Variants in RBFOX3 observed in about 807,000 individuals in gnomAD.
The protein encoded by RBFOX3 is RNA binding protein fox-1 homolog 3.
A neutral mutation model predicts 48.7 loss-of-function variants in RBFOX3; 17 were observed. The ratio of observed to expected loss-of-function variants is 0.35; its 90% CI spans 0.24 to 0.52. RBFOX3 has a LOEUF of 0.52. Among genes scored for constraint, RBFOX3 ranks in the 20% least tolerant of loss-of-function variants. The probability of loss-of-function intolerance (pLI) is 0.94; values close to 1 mark genes in which losing one functional copy is unlikely to be tolerated. For missense variants in RBFOX3, 382 were observed against 497.5 expected, an observed-to-expected ratio of 0.77 and a Z score of 2.21; for synonymous variants, 212 against 209.5, an observed-to-expected ratio of 1.01 and a Z score of -0.10.
rs1170113549 is a variant in RBFOX3, at chr17:79,592,769, A to C, written c.-320+18057T>G. On this transcript the variant is annotated intron_variant, in intron 1 of 14. Transcript: ENST00000693108. ...GGCTGTCGTCTGTTTCAGACTGGGC[A>C]CTGCGGCATGGGGCCCTTGACAGGG... is the stretch of plus-strand genomic sequence containing the variant. Among the ~76,000 whole-genome samples the C allele has an allele frequency of 6.6e-5, 10 of 152,292 alleles. No homozygotes were observed. In the South Asian group the frequency reaches 1.7e-3, roughly 25 times the overall value.
intron 4 of RBFOX3, among the ~76,000 whole-genome samples, chr17:79,163,236 G>A (rs934956876): frequency 6.6e-6 from 1 of 152,202 alleles, no homozygotes; most frequent in Non-Finnish European, 1.5e-5. Context: ...CAGCACACTC[G>A]GCTGAACACC....
chr17:79,476,432 T>C (rs947254877), intron 2 of RBFOX3, among the ~76,000 whole-genome samples: 19 of 152,104 alleles, frequency 1.2e-4, no homozygotes, highest in Non-Finnish European at 2.4e-4. Flanking sequence ...CCAACAAGTA[T>C]AGGGCAAAGA....
At position 79,477,407 on chromosome 17, in the gene RBFOX3, T is replaced by C. The variant is rs1431485355; in HGVS notation, c.-175+5047A>G. Among the ~76,000 whole-genome samples, 26 of 151,390 alleles carry C rather than the reference T, an allele frequency of 1.7e-4. No individual in the cohort carries two copies. The highest frequency in any genetic ancestry group is 6.1e-4 in the African/African-American group (25 of 41,246). ...CCGTCTCTACTAAAAATACAAAACATTAGCCAGACGTGGTGGCGGGCGCCT... is the reference window on the plus strand; with the variant it reads ...CCGTCTCTACTAAAAATACAAAACACTAGCCAGACGTGGTGGCGGGCGCCT... On this transcript the variant is annotated intron_variant, in intron 2 of 14. Transcript: ENST00000693108. This position sits in a 1 kb window ranked among gnomAD's most constrained non-coding sequence, Gnocchi z 4.8.
chr17:79,456,456 AT>A lies in RBFOX3; in HGVS notation c.-175+25997del, dbSNP rs113802967. On this transcript the variant is annotated intron_variant, in intron 2 of 14. Transcript: ENST00000693108. ...CTCCCCAGCTGTGACAACCCCAGAC[AT>A]TGCCATGCATCCCCTGCTGGAGAGA... Among the ~76,000 whole-genome samples the A allele has an allele frequency of 8.2e-3, 1,235 of 151,184 alleles. 22 individuals carry two copies. The highest frequency in any genetic ancestry group is 0.029 in the African/African-American group (1,182 of 41,146).
At chr17:79,582,690 G>C (rs2093112494) in intron 1 of RBFOX3, among the ~76,000 whole-genome samples, 1 of 151,286 alleles carries the variant, frequency 6.6e-6, no homozygotes, top group African/African-American at 2.4e-5. Flanking sequence ...CCAGCTATGT[G>C]GGAGGCTACT....
chr17:79,379,120 C>T (rs2059579263), intron 2 of RBFOX3, among the ~76,000 whole-genome samples: 1 of 152,202 alleles, frequency 6.6e-6, no homozygotes, highest in Non-Finnish European at 1.5e-5. Flanking sequence ...TCTGCCACTC[C>T]CAGCCCCATC....
In RBFOX3 at chr17:79,471,337, G is replaced by A. The variant is rs1299318900; in HGVS notation, c.-175+11117C>T. Among the ~76,000 whole-genome samples, 17 of 152,190 alleles carry A rather than the reference G, an allele frequency of 1.1e-4. No individual in the cohort carries two copies. The highest frequency in any genetic ancestry group is 1.0e-4 in the Non-Finnish European group (7 of 68,030). ...GAGGGCAAAGCATTTTGCAAAGAGC[G>A]TGCAGGGCCGGGCAAAATACTAAAT... is the stretch of plus-strand genomic sequence containing the variant. On this transcript the variant is annotated intron_variant, in intron 2 of 14. Transcript: ENST00000693108. The surrounding 1 kb of genome is among the most constrained non-coding windows in gnomAD (Gnocchi z 4.0).
intron 2 of RBFOX3, among the ~76,000 whole-genome samples, chr17:79,323,820 C>T (rs12451047): frequency 0.28 from 42,916 of 152,232 alleles, 6,723 homozygotes; most frequent in East Asian, 0.48. Context: ...AGTGAGGGTT[C>T]ATTACCATGC....
intron 4 of RBFOX3, among the ~76,000 whole-genome samples, chr17:79,165,048 C>T (rs2047717049): frequency 1.3e-5 from 2 of 152,150 alleles, no homozygotes; most frequent in African/African-American, 4.8e-5. Flanking sequence ...GACATGGCCC[C>T]TGAACAAAAG....
intron 3 of RBFOX3, among the ~76,000 whole-genome samples, chr17:79,250,505 G>A: frequency 6.6e-6 from 1 of 151,832 alleles, no homozygotes; most frequent in East Asian, 1.9e-4. Flanking sequence ...GCGCTTAAAT[G>A]AGCCGATCAC....
rs2093077181 is a variant in RBFOX3, at chr17:79,582,014, C to CTGTG, written c.-320+28808_-320+28811dup. Among the ~76,000 whole-genome samples the CTGTG allele has an allele frequency of 4.7e-4, 69 of 147,874 alleles. 1 individual carries two copies. Among genetic ancestry groups the CTGTG allele is most frequent in the Non-Finnish European group, 5.9e-4 (40 of 67,252 alleles). On this transcript the variant is annotated intron_variant, in intron 1 of 14. Transcript: ENST00000693108. ...AGCACGTGCCTGCCCGTGTATGTGC[C>CTGTG]TGTGCGTGCCTGTGCGTGCCTGTGT...
intron 2 of RBFOX3, among the ~76,000 whole-genome samples, chr17:79,388,011 T>C (rs2060811956): frequency 1.3e-5 from 2 of 152,074 alleles, no homozygotes; most frequent in Non-Finnish European, 2.9e-5. Flanking sequence ...CGTGTGTGTG[T>C]GTGTGCATGC....
intron 1 of RBFOX3, among the ~76,000 whole-genome samples, chr17:79,501,053 T>C (rs2082314760): frequency 6.6e-6 from 1 of 152,190 alleles, no homozygotes; most frequent in African/African-American, 2.4e-5. Flanking sequence ...GCAAGACCAT[T>C]AGGGATTCCG....
chr17:79,380,117 T>A (rs1484726380), intron 2 of RBFOX3, among the ~76,000 whole-genome samples: 9 of 151,710 alleles, frequency 5.9e-5, no homozygotes, highest in Non-Finnish European at 1.3e-4. Flanking sequence ...ATCATCTCCA[T>A]CTTTCCCCCA....
At chr17:79,262,760 C>T (rs1406928036) in intron 3 of RBFOX3, among the ~76,000 whole-genome samples, 1 of 152,236 alleles carries the variant, frequency 6.6e-6, no homozygotes, top group Non-Finnish European at 1.5e-5. Context: ...ACAGCCAGGC[C>T]AAGACTGGTC....
chr17:79,352,630 CATG>C (rs890081372), intron 2 of RBFOX3, among the ~76,000 whole-genome samples: 6 of 152,224 alleles, frequency 3.9e-5, no homozygotes. Flanking sequence ...GTAAAAACTC[CATG>C]ATGTCAGAGT....
At chr17:79,188,107 G>C (rs867206483) in intron 4 of RBFOX3, among the ~76,000 whole-genome samples, 1 of 152,238 alleles carries the variant, frequency 6.6e-6, no homozygotes, top group Non-Finnish European at 1.5e-5. Flanking sequence ...GGGATGAGCC[G>C]TCGGTGCAGC....
At chr17:79,478,009 C>T (rs975970891) in intron 2 of RBFOX3, among the ~76,000 whole-genome samples, 2 of 152,174 alleles carry the variant, frequency 1.3e-5, no homozygotes, top group African/African-American at 2.4e-5. Context: ...CTGGGAGCAA[C>T]GTCCCATCCG....
chr17:79,229,943 C>A (rs181512599), intron 4 of RBFOX3, among the ~76,000 whole-genome samples: 5 of 152,290 alleles, frequency 3.3e-5, no homozygotes, highest in Non-Finnish European at 5.9e-5. Context: ...CTTGTGATGA[C>A]CTGTGTCCAA....
Sources: gnomAD v4.1 joint callset for allele counts (sites outside exome capture counted in the v4.1 genomes callset) on GRCh38, gnomAD v4.1.1 for gene constraint, Gnocchi (gnomAD v3.1) non-coding constraint, MANE v1.5 for transcripts, NCBI Gene and HGNC (gene_info 2026-07-23, HGNC 2026-07-21) for gene names.